Variants in BRINP3 observed in about 807,000 individuals in gnomAD.
BRINP3 encodes the protein BMP/retinoic acid-inducible neural-specific protein 3.
Under a neutral mutation model 71.0 loss-of-function variants are expected in BRINP3, and 19 were observed. The ratio of observed to expected loss-of-function variants is 0.27; its 90% CI spans 0.19 to 0.39. The LOEUF (loss-of-function observed/expected upper bound fraction) is 0.39, where lower values mean the gene tolerates loss of function less well. BRINP3 is among the 10% of genes least tolerant of loss of function. The pLI is 1.00. For missense variants in BRINP3, 959 were observed against 940.8 expected (o/e 1.02, Z -0.25); for synonymous variants, 380 against 337.7 (o/e 1.13, Z -1.37).
intron 2 of BRINP3, among the ~76,000 whole-genome samples, chr1:190,403,574 T>TG (rs1672075104): frequency 6.6e-6 from 1 of 152,194 alleles, no homozygotes; most frequent in Non-Finnish European, 1.5e-5. Context: ...GAACAGGGAA[T>TG]GTAGAGCTTG....
At chr1:190,176,337 G>T (rs1346719551) in intron 6 of BRINP3, among the ~76,000 whole-genome samples, 4 of 152,130 alleles carry the variant, frequency 2.6e-5, no homozygotes, top group Non-Finnish European at 5.9e-5. Flanking sequence ...TCTGCAAGTT[G>T]ATTAGAATAC....
At chr1:190,197,593 G>C (rs1378400085) in intron 6 of BRINP3, among the ~76,000 whole-genome samples, 1 of 152,158 alleles carries the variant, frequency 6.6e-6, no homozygotes, top group Non-Finnish European at 1.5e-5. Context: ...ACTTCAGGAG[G>C]GCAGTCAAAA....
At position 190,233,812 on chromosome 1, in the gene BRINP3, T is replaced by C. The variant is rs182639931; in HGVS notation, c.724+560A>G. On this transcript the variant is annotated intron_variant, in intron 5 of 7. Coordinates refer to ENST00000367462, the MANE Select transcript of BRINP3 (RefSeq NM_199051.3). ...GTTCTTGTGAATAAAATACTCTTTATTGAATATCTAAACTATGTAGTAATA... is the reference window on the plus strand; with the variant it reads ...GTTCTTGTGAATAAAATACTCTTTACTGAATATCTAAACTATGTAGTAATA... Among the ~76,000 whole-genome samples, 274 of 152,310 alleles carry C rather than the reference T, an allele frequency of 1.8e-3. 4 individuals are homozygous for C. The highest frequency in any genetic ancestry group is 3.2e-3 in the Non-Finnish European group (216 of 68,012).
intron 4 of BRINP3, among the ~76,000 whole-genome samples, chr1:190,262,390 G>A (rs1245074654): frequency 6.6e-6 from 1 of 152,162 alleles, no homozygotes; most frequent in Non-Finnish European, 1.5e-5. Context: ...CCTCACGCTT[G>A]CACTCCCTAT....
At chr1:190,229,880 G>C (rs1192247362) in intron 5 of BRINP3, among the ~76,000 whole-genome samples, 1 of 151,838 alleles carries the variant, frequency 6.6e-6, no homozygotes, top group African/African-American at 2.4e-5. Flanking sequence ...AAAGACAAGG[G>C]ATGGTATAGA....
At chr1:190,386,311 G>T (rs181763377) in intron 2 of BRINP3, among the ~76,000 whole-genome samples, 5 of 151,302 alleles carry the variant, frequency 3.3e-5, no homozygotes, top group Admixed American at 3.3e-4. Flanking sequence ...TTAAGTCAAA[G>T]ATATGGGGCA....
At chr1:190,475,882 A>G (rs1341035413) in intron 1 of BRINP3, 1 of 151,494 alleles carries the variant, frequency 6.6e-6, no homozygotes, top group African/African-American at 2.4e-5. Context: ...CAACAACAGC[A>G]GTCCTCCAAA....
At chr1:190,198,548 C>G (rs543081995) in intron 6 of BRINP3, among the ~76,000 whole-genome samples, 99 of 152,124 alleles carry the variant, frequency 6.5e-4, no homozygotes, top group Non-Finnish European at 1.1e-3. Flanking sequence ...TGTTTAAAAA[C>G]ACACCAGATG....
At chr1:190,162,440 C>G (rs2247300) in intron 6 of BRINP3, among the ~76,000 whole-genome samples, 92,195 of 151,894 alleles carry the variant, frequency 0.61, 29,416 homozygotes, top group African/African-American at 0.83. Context: ...CACTCTGCCT[C>G]GCCTATAATT....
At chr1:190,359,100 T>G (rs569872085) in intron 2 of BRINP3, among the ~76,000 whole-genome samples, 9 of 152,112 alleles carry the variant, frequency 5.9e-5, no homozygotes, top group African/African-American at 2.2e-4. Context: ...ATATGACACA[T>G]GTATACATAT....
In BRINP3 at chr1:190,393,270, G is replaced by T. The variant is rs532810000; in HGVS notation, c.236+61385C>A. Among the ~76,000 whole-genome samples, 3 of 151,686 alleles carry T rather than the reference G, an allele frequency of 2.0e-5. No individual in the cohort carries two copies. In the South Asian group the frequency reaches 6.2e-4, roughly 31 times the overall value. Reference sequence around the variant, plus strand: ...ACAAGGGATCAATAAGTGGAGCTGGGATGATTTAAAAATTTTCTTAAGATC... The same window carrying T: ...ACAAGGGATCAATAAGTGGAGCTGGTATGATTTAAAAATTTTCTTAAGATC... On this transcript the variant is annotated intron_variant, in intron 2 of 7. Transcript: ENST00000367462.
At chr1:190,277,308 G>A (rs544350825) in intron 3 of BRINP3, among the ~76,000 whole-genome samples, 12 of 150,644 alleles carry the variant, frequency 8.0e-5, no homozygotes, top group African/African-American at 2.9e-4. Flanking sequence ...TTGTGGATGT[G>A]CTTGTCAGGA....
chr1:190,172,042 A>G (rs1652061088), intron 6 of BRINP3, among the ~76,000 whole-genome samples: 1 of 151,158 alleles, frequency 6.6e-6, no homozygotes, highest in African/African-American at 2.4e-5. Context: ...TCGAGTTTAC[A>G]GTGAGCTATG....
chr1:190,471,175 C>T (rs1018868843), intron 1 of BRINP3, among the ~76,000 whole-genome samples: 1 of 150,916 alleles, frequency 6.6e-6, no homozygotes, highest in Non-Finnish European at 1.5e-5. Flanking sequence ...AGTATAAAAT[C>T]GTTATGGTGG....
intron 2 of BRINP3, among the ~76,000 whole-genome samples, chr1:190,307,259 T>C (rs12760174): frequency 2.2e-4 from 4 of 18,056 alleles, no homozygotes; most frequent in South Asian, 5.3e-3. Flanking sequence ...TAAAACATTG[T>C]TTTTTTTTTT....
At chr1:190,471,780 A>G (rs981628270) in intron 1 of BRINP3, among the ~76,000 whole-genome samples, 1 of 151,516 alleles carries the variant, frequency 6.6e-6, no homozygotes, top group East Asian at 1.9e-4. Flanking sequence ...TTAAATAACA[A>G]TGAGAAACCA....
At chr1:190,248,339 G>A (rs1659805379) in intron 4 of BRINP3, among the ~76,000 whole-genome samples, 2 of 150,978 alleles carry the variant, frequency 1.3e-5, no homozygotes, top group African/African-American at 4.9e-5. Flanking sequence ...TTGCACATCT[G>A]CCTTTCATTA....
At chr1:190,403,631 A>G (rs964246108) in intron 2 of BRINP3, among the ~76,000 whole-genome samples, 1 of 152,236 alleles carries the variant, frequency 6.6e-6, no homozygotes, top group African/African-American at 2.4e-5. Context: ...GAATGAGTCA[A>G]CACATCAGTG....
At chr1:190,365,893 A>G (rs549168720) in intron 2 of BRINP3, among the ~76,000 whole-genome samples, 1 of 149,480 alleles carries the variant, frequency 6.7e-6, no homozygotes, top group East Asian at 2.0e-4. Context: ...AAGAAAAAAT[A>G]TCTTTAAGAA....
Sources: allele counts gnomAD v4.1 joint callset (sites outside exome capture counted in the v4.1 genomes callset), GRCh38; gene constraint gnomAD v4.1.1; transcripts MANE v1.5; gene names NCBI Gene and HGNC (gene_info 2026-07-23, HGNC 2026-07-21).